Variants in SLC8A1 observed in about 807,000 individuals in gnomAD.
SLC8A1 encodes the protein solute carrier family 8 member A1, also known as sodium/calcium exchanger 1.
In SLC8A1, 18 loss-of-function variants were observed where a neutral mutation model predicts 68.3. The observed-to-expected ratio is 0.26, with a 90% confidence interval of 0.18 to 0.39. SLC8A1 has a LOEUF of 0.39. Among genes scored for constraint, SLC8A1 ranks in the 10% least tolerant of loss-of-function variants. The pLI is 1.00. For synonymous variants in SLC8A1, 475 were observed against 415.5 expected (o/e 1.14, Z -1.74); for missense variants, 985 against 1,156.7 (o/e 0.85, Z 2.15).
chr2:40,110,254 A>G (rs772239498), exon 8 of SLC8A1: 2 of 152,150 alleles, frequency 1.3e-5, no homozygotes, highest in African/African-American at 4.8e-5. Flanking sequence ...TCCCAACATG[A>G]AATATCTATT....
chr2:40,289,598 C>A (rs1168953207), intron 2 of SLC8A1, among the ~76,000 whole-genome samples: 2 of 152,012 alleles, frequency 1.3e-5, no homozygotes, highest in African/African-American at 2.4e-5. Context: ...TGGCTGTAAT[C>A]CCAACACTTT....
At chr2:40,358,076 G>C (rs1296874835) in intron 2 of SLC8A1, among the ~76,000 whole-genome samples, 1 of 148,930 alleles carries the variant, frequency 6.7e-6, no homozygotes, top group Non-Finnish European at 1.5e-5. Flanking sequence ...AAAAAAGGTG[G>C]CGGTGCTGGT....
intron 2 of SLC8A1, among the ~76,000 whole-genome samples, chr2:40,327,795 G>A (rs138568504): frequency 0.011 from 1,716 of 152,200 alleles, 36 homozygotes; most frequent in African/African-American, 0.038. Flanking sequence ...CTACCTATTG[G>A]ATACTATGGT....
chr2:40,321,531 GAA>G (rs2075187663), intron 2 of SLC8A1, among the ~76,000 whole-genome samples: 1 of 152,062 alleles, frequency 6.6e-6, no homozygotes, highest in African/African-American at 2.4e-5. Context: ...AATTTACAAA[GAA>G]AAGAGGTTTA....
chr2:40,460,057 T>C (rs988075404), intron 1 of SLC8A1, among the ~76,000 whole-genome samples: 1 of 152,230 alleles, frequency 6.6e-6, no homozygotes, highest in African/African-American at 2.4e-5. Flanking sequence ...CAGAGTCTTG[T>C]ATACTTCTTT....
chr2:40,358,696 A>G (rs1236877510), intron 2 of SLC8A1, among the ~76,000 whole-genome samples: 3 of 152,228 alleles, frequency 2.0e-5, no homozygotes, highest in Non-Finnish European at 2.9e-5. Context: ...ACAATGGCCT[A>G]GGTACAGTCC....
intron 2 of SLC8A1, among the ~76,000 whole-genome samples, chr2:40,306,034 G>T (rs893552686): frequency 6.6e-6 from 1 of 151,894 alleles, no homozygotes; most frequent in Admixed American, 6.6e-5. Context: ...TACAGGTTTT[G>T]GGAGGATGAA....
intron 1 of SLC8A1, among the ~76,000 whole-genome samples, chr2:40,492,648 G>GA (rs1248319572): frequency 6.7e-6 from 1 of 148,432 alleles, no homozygotes; most frequent in Non-Finnish European, 1.5e-5. Flanking sequence ...AAATTTACAA[G>GA]AAAAAAACAA....
intron 1 of SLC8A1, among the ~76,000 whole-genome samples, chr2:40,489,970 C>T (rs912273763): frequency 2.8e-4 from 43 of 152,094 alleles, no homozygotes; most frequent in African/African-American, 1.0e-3. Flanking sequence ...CTTGATGATA[C>T]ACTGCTAACA....
At chr2:40,374,797 C>T (rs1435361633) in intron 2 of SLC8A1, among the ~76,000 whole-genome samples, 1 of 151,996 alleles carries the variant, frequency 6.6e-6, no homozygotes, top group Admixed American at 6.6e-5. Context: ...GATAATAAAC[C>T]ATTTCAACTG....
At chr2:40,340,732 C>T (rs187020402) in intron 2 of SLC8A1, among the ~76,000 whole-genome samples, 77 of 152,136 alleles carry the variant, frequency 5.1e-4, no homozygotes, top group South Asian at 8.3e-4. Context: ...CTGGCCTGGG[C>T]GAATCTGTTT....
In SLC8A1 at chr2:40,177,954, G is replaced by C; in HGVS notation, c.1809-99C>G. 5.0e-6 allele frequency: 4 copies of C among 797,348 alleles called. No homozygotes were observed. In the Admixed American group the frequency reaches 8.2e-5, roughly 16 times the overall value. 49.4% of individuals were successfully genotyped at this position (797,348 alleles called of 1,614,324 possible). The stretch of plus-strand genomic sequence containing the variant: ...GAATGTTACTGTGATGTTATGGAGG[G>C]AGAACTGGCAGCACATGGGCCTCCT... On this transcript the variant is annotated intron_variant, in intron 2 of 7. Coordinates refer to ENST00000406785, the Ensembl canonical transcript of SLC8A1.
intron 2 of SLC8A1, among the ~76,000 whole-genome samples, chr2:40,332,071 TCC>T (rs2149377479): frequency 6.6e-6 from 1 of 152,196 alleles, no homozygotes; most frequent in South Asian, 2.1e-4. Context: ...CACCTCAGCC[TCC>T]CTAAGTGTTG....
At chr2:40,194,013 T>G (rs2052425134) in intron 2 of SLC8A1, among the ~76,000 whole-genome samples, 1 of 152,148 alleles carries the variant, frequency 6.6e-6, no homozygotes. Context: ...ATGAAATGCT[T>G]TCTCTGAGTT....
At chr2:40,433,228 A>C (rs1188970080) in intron 1 of SLC8A1, among the ~76,000 whole-genome samples, 1 of 152,140 alleles carries the variant, frequency 6.6e-6, no homozygotes, top group Non-Finnish European at 1.5e-5. Flanking sequence ...ACCCCTCAAC[A>C]GGCTTTCTAA....
intron 1 of SLC8A1, among the ~76,000 whole-genome samples, chr2:40,461,073 G>A (rs761065993): frequency 5.3e-5 from 8 of 152,122 alleles, no homozygotes; most frequent in Non-Finnish European, 1.2e-4. Context: ...ATTCTTAGCA[G>A]AATCCTATTA....
At chr2:40,151,045 T>A (rs2043323322) in intron 6 of SLC8A1, among the ~76,000 whole-genome samples, 1 of 152,214 alleles carries the variant, frequency 6.6e-6, no homozygotes, top group African/African-American at 2.4e-5. Context: ...CTTAGGATCA[T>A]CATTATCAGC....
chr2:40,243,542 T>A (rs758229292), intron 2 of SLC8A1, among the ~76,000 whole-genome samples: 4 of 152,052 alleles, frequency 2.6e-5, no homozygotes, highest in Non-Finnish European at 5.9e-5. Flanking sequence ...TAAGAAAAAA[T>A]AAAAAGTAAC....
chr2:40,100,735 G>A (rs533923687), exon 8 of SLC8A1: 1 of 152,202 alleles, frequency 6.6e-6, no homozygotes, highest in Non-Finnish European at 1.5e-5. Flanking sequence ...TGTCCTCAGC[G>A]ACAGACAATG....
Sources: allele counts gnomAD v4.1 joint callset (sites outside exome capture counted in the v4.1 genomes callset), GRCh38; gene constraint gnomAD v4.1.1; transcripts MANE v1.5; gene names NCBI Gene and HGNC (gene_info 2026-07-23, HGNC 2026-07-21).